The following ARPC5L variants were observed in gnomAD, a reference collection of about 807,000 sequenced individuals.
The protein encoded by ARPC5L is actin related protein 2/3 complex subunit 5 like.
In ARPC5L, 4 loss-of-function variants were observed where a neutral mutation model predicts 16.9. The observed-to-expected ratio is 0.24, with a 90% CI of 0.12 to 0.54. The LOEUF (loss-of-function observed/expected upper bound fraction) is 0.54, where lower values mean the gene tolerates loss of function less well. ARPC5L is among the 20% of genes least tolerant of loss of function. ARPC5L has a pLI of 0.95. For missense variants in ARPC5L, 151 were observed against 201.9 expected (o/e 0.75, Z 1.53); for synonymous variants, 78 against 82.6 (o/e 0.94, Z 0.30).
At chr9:124,865,715 C>T (rs568498934) in intron 2 of ARPC5L, among the ~76,000 whole-genome samples, 2 of 151,848 alleles carry the variant, frequency 1.3e-5, no homozygotes, top group African/African-American at 4.8e-5. Context: ...ATTGCTTCAA[C>T]CCAGGGGGCA....
At chr9:124,864,670 G>A (rs1829246398) in intron 2 of ARPC5L, among the ~76,000 whole-genome samples, 1 of 151,788 alleles carries the variant, frequency 6.6e-6, no homozygotes, top group African/African-American at 2.4e-5. Context: ...GAGCTGCCGC[G>A]CCTGGCCCAT....
chr9:124,862,656 C>G (rs931650579), intron 1 of ARPC5L, among the ~76,000 whole-genome samples: 6 of 151,082 alleles, frequency 4.0e-5, no homozygotes, highest in Non-Finnish European at 8.9e-5. Context: ...AGCTGAGTAG[C>G]TGGGATTACA....
intron 5 of ARPC5L, among the ~76,000 whole-genome samples, chr9:124,876,263 G>A (rs1829432571): frequency 6.6e-6 from 1 of 152,162 alleles, no homozygotes; most frequent in Non-Finnish European, 1.5e-5. Context: ...GAGGCAGGCG[G>A]ATGACCTGAG....
chr9:124,863,443 G>A (rs947395112), intron 1 of ARPC5L, among the ~76,000 whole-genome samples: 2 of 152,132 alleles, frequency 1.3e-5, no homozygotes, highest in East Asian at 1.9e-4. Flanking sequence ...CACTGCGCCC[G>A]GCTAGTACAG....
intron 1 of ARPC5L, among the ~76,000 whole-genome samples, chr9:124,863,156 T>C (rs1829227136): frequency 1.3e-5 from 2 of 152,100 alleles, no homozygotes; most frequent in Admixed American, 6.5e-5. Flanking sequence ...TTTTATTTTA[T>C]TTTTTATATA....
chr9:124,875,166 C>T lies in ARPC5L; in HGVS notation c.399+15C>T. Reference sequence around the variant, plus strand: ...GGCACGAAAAGGTATGTGAACGCTGCCACGCGCCCCAGTGAGCCACCTGGC... The same window carrying T: ...GGCACGAAAAGGTATGTGAACGCTGTCACGCGCCCCAGTGAGCCACCTGGC... On this transcript the variant is annotated intron_variant, in intron 5 of 5. Transcript: ENST00000353214. 6.2e-7 allele frequency: 1 copy of T among 1,606,812 alleles called. No individual in the cohort carries two copies. Among genetic ancestry groups the T allele is most frequent in the Non-Finnish European group, 8.5e-7 (1 of 1,175,788 alleles).
At position 124,868,837 on chromosome 9, in the gene ARPC5L, CT is replaced by C. The variant is rs1223002246; in HGVS notation, c.-453del. ...CTCGAGAAGTAGAGCCGCGAGCCTT[CT>C]CCCGGGGGCCCAGCCTTCCCCAGTA... On this transcript the variant is annotated 5_prime_UTR_variant, in exon 3 of 6. Transcript: ENST00000353214. 6.4e-6 allele frequency: 1 copy of C among 156,414 alleles called. No homozygotes were observed. Among genetic ancestry groups the C allele is most frequent in the Non-Finnish European group, 1.4e-5 (1 of 71,146 alleles). The allele number at this position is 156,414 out of a possible 1,614,324, so 9.7% of individuals were successfully genotyped here.
chr9:124,874,164 C>T (rs1336793066), intron 4 of ARPC5L, among the ~76,000 whole-genome samples: 3 of 152,318 alleles, frequency 2.0e-5, no homozygotes, highest in East Asian at 3.9e-4. Context: ...GTGCTTACTG[C>T]ATCACCAAGT....
At chr9:124,870,192 C>G (rs528864654) in intron 3 of ARPC5L, among the ~76,000 whole-genome samples, 2 of 152,318 alleles carry the variant, frequency 1.3e-5, no homozygotes, top group African/African-American at 4.8e-5. Context: ...CTAAGAAAAA[C>G]CAGACACCTT....
At chr9:124,876,064 C>T (rs576562994) in intron 5 of ARPC5L, among the ~76,000 whole-genome samples, 14 of 152,214 alleles carry the variant, frequency 9.2e-5, no homozygotes, top group South Asian at 2.1e-4. Flanking sequence ...GTCACCTCAG[C>T]GGGCGGCAGT....
In ARPC5L at chr9:124,877,164, G is replaced by A; in HGVS notation, c.*224G>A. 3.9e-6 allele frequency: 2 copies of A among 519,356 alleles called. No individual in the cohort carries two copies. The highest frequency in any genetic ancestry group is 6.8e-6 in the Non-Finnish European group (2 of 295,354). The allele number at this position is 519,356 out of a possible 1,614,324, so 32.2% of individuals were successfully genotyped here. A position where few individuals can be genotyped will look rare whatever the true frequency, so the allele number is the denominator to read the frequency against. The stretch of plus-strand genomic sequence containing the variant: ...TATGCCTTTGTCTCCGAGTACTGCA[G>A]AACTGACATTTTGACGGTCTACCAG... On this transcript the variant is annotated 3_prime_UTR_variant, in exon 6 of 6. Transcript: ENST00000353214.
chr9:124,873,117 G>C (rs181716088), intron 3 of ARPC5L: 19 of 152,758 alleles, frequency 1.2e-4, no homozygotes, highest in Admixed American at 1.1e-3. Context: ...TGGGGGGTAA[G>C]GGTGGAGACT....
intron 5 of ARPC5L, among the ~76,000 whole-genome samples, chr9:124,876,357 G>A: frequency 6.6e-6 from 1 of 151,464 alleles, no homozygotes; most frequent in Non-Finnish European, 1.5e-5. Flanking sequence ...GGTGGTGGCG[G>A]GCGCCTGTAA....
At chr9:124,876,798 TCC>T (rs1829446739) in intron 5 of ARPC5L, 78 bp from the exon 6 acceptor site, 1 of 1,116,642 alleles carries the variant, frequency 9.0e-7, no homozygotes, top group African/African-American at 1.6e-5. Context: ...TCAGGGAATG[TCC>T]CCCCTGTCTC....
At chr9:124,873,948 G>A (rs546834948) in intron 4 of ARPC5L, among the ~76,000 whole-genome samples, 184 bp downstream of exon 4, 4 of 152,284 alleles carry the variant, frequency 2.6e-5, no homozygotes, top group South Asian at 4.1e-4. Context: ...CGCTGTCAGC[G>A]TTTATATACG....
intron 2 of ARPC5L, among the ~76,000 whole-genome samples, chr9:124,865,037 G>A (rs1281127467): frequency 3.3e-5 from 5 of 151,292 alleles, no homozygotes; most frequent in African/African-American, 9.7e-5. Flanking sequence ...TCACCACGTT[G>A]GCCAGGCTGG....
chr9:124,874,873 C>A, intron 4 of ARPC5L, 102 bp from the exon 5 acceptor site: 1 of 1,399,578 alleles, frequency 7.1e-7, no homozygotes, highest in Non-Finnish European at 1.0e-6. Flanking sequence ...GAATTAGAAA[C>A]TGGGCAGTGT....
At chr9:124,871,445 C>A (rs1228984834) in intron 3 of ARPC5L, among the ~76,000 whole-genome samples, 1 of 152,132 alleles carries the variant, frequency 6.6e-6, no homozygotes, top group African/African-American at 2.4e-5. Flanking sequence ...ACATGCAGCT[C>A]GGGTCTGCAG....
Position 124,869,250 on chromosome 9 carries a change from G to T in ARPC5L, c.-41G>T, listed in dbSNP as rs774470788. ...GCGAGCGGAGCAGAGCCGAGGTCGG[G>T]CCGCGAGCGGAGCCGGCTGAGCGGG... is the stretch of plus-strand genomic sequence containing the variant. On this transcript the variant is annotated 5_prime_UTR_variant, in exon 3 of 6. Transcript: ENST00000353214. 7 of 1,485,914 alleles carry T rather than the reference G, an allele frequency of 4.7e-6. No homozygotes were observed. The highest frequency in any genetic ancestry group is 2.3e-5 in the Admixed American group (1 of 43,094). The allele number at this position is 1,485,914 out of a possible 1,614,324, so 92.0% of individuals were successfully genotyped here.
Sources: gnomAD v4.1 joint callset for allele counts (sites outside exome capture counted in the v4.1 genomes callset) on GRCh38, gnomAD v4.1.1 for gene constraint, MANE v1.5 for transcripts, NCBI Gene and HGNC (gene_info 2026-07-23, HGNC 2026-07-21) for gene names.